Variants in OPCML observed in about 807,000 individuals in gnomAD.
OPCML encodes the protein opioid binding protein/cell adhesion molecule like.
Under a neutral mutation model 37.8 loss-of-function variants are expected in OPCML, and 13 were observed. That is an observed-to-expected ratio of 0.34 (90% CI 0.22 to 0.55). OPCML has a LOEUF of 0.55. Ranked by LOEUF, OPCML falls within the 20% of genes least tolerant of loss-of-function variation. The pLI, the probability that OPCML is intolerant of heterozygous loss-of-function variation, is 0.91. For missense variants in OPCML, 341 were observed against 435.6 expected (o/e 0.78, Z 1.93); for synonymous variants, 176 against 168.8 (o/e 1.04, Z -0.33).
At chr11:132,699,135 T>C (rs1369052210) in intron 2 of OPCML, among the ~76,000 whole-genome samples, 1 of 152,054 alleles carries the variant, frequency 6.6e-6, no homozygotes, top group South Asian at 2.1e-4. Context: ...ATGGGACTGT[T>C]GTTTCAACTT....
chr11:132,467,612 G>A (rs867623255), intron 4 of OPCML, among the ~76,000 whole-genome samples: 1 of 152,144 alleles, frequency 6.6e-6, no homozygotes, highest in South Asian at 2.1e-4. Context: ...TAAAAGGCTG[G>A]CACACCAACG....
intron 1 of OPCML, among the ~76,000 whole-genome samples, chr11:133,286,120 T>C (rs549991805): frequency 6.6e-6 from 1 of 152,228 alleles, no homozygotes; most frequent in East Asian, 1.9e-4. Context: ...ACCCAGCCCC[T>C]GGCTTCTAAA....
intron 2 of OPCML, among the ~76,000 whole-genome samples, chr11:132,941,822 G>T (rs1945587266): frequency 6.6e-6 from 1 of 152,130 alleles, no homozygotes; most frequent in Admixed American, 6.5e-5. Flanking sequence ...AAAGAATTCT[G>T]GTGTCCCAGA....
At chr11:133,167,153 G>A (rs549680816) in intron 1 of OPCML, among the ~76,000 whole-genome samples, 55 of 152,290 alleles carry the variant, frequency 3.6e-4, no homozygotes, top group African/African-American at 1.2e-3. Flanking sequence ...GTTGGTGGCC[G>A]GCGCTGGAAG....
intron 1 of OPCML, among the ~76,000 whole-genome samples, chr11:133,253,422 G>C (rs1435285660): frequency 6.6e-6 from 1 of 152,094 alleles, no homozygotes; most frequent in Non-Finnish European, 1.5e-5. Context: ...TGATTCTCTT[G>C]CCTTAGTCTC....
chr11:132,528,944 T>C, intron 4 of OPCML, 117 bp downstream of exon 4: 1 of 633,026 alleles, frequency 1.6e-6, no homozygotes, highest in East Asian at 2.7e-5. Context: ...ATATTGCCTG[T>C]TTGATTTTCT....
intron 1 of OPCML, among the ~76,000 whole-genome samples, chr11:133,231,167 T>C (rs1199438636): frequency 6.6e-6 from 1 of 152,176 alleles, no homozygotes; most frequent in Non-Finnish European, 1.5e-5. Context: ...AAATGGAGAT[T>C]TCATTGAAGC....
In OPCML at chr11:132,547,902, C is replaced by A. The variant is rs145159269; in HGVS notation, c.380-18716G>T. Among the ~76,000 whole-genome samples the A allele has an allele frequency of 1.5e-3, 221 of 152,266 alleles. 3 individuals are homozygous for A. The highest frequency in any genetic ancestry group is 2.1e-3 in the East Asian group (11 of 5,160). On this transcript the variant is annotated intron_variant, in intron 3 of 7. Coordinates refer to ENST00000524381, the MANE Select transcript of OPCML (RefSeq NM_001012393.5). ...AGAGAGACCCAAAGGAGCTCTCCAA[C>A]AATGCAAGATTAATTCCCAATGGAT...
chr11:132,768,325 T>C (rs75648544), intron 2 of OPCML, among the ~76,000 whole-genome samples: 6,748 of 152,212 alleles, frequency 0.044, 395 homozygotes, highest in African/African-American at 0.13. Context: ...TTGCCCCCAT[T>C]CCGTCGATCT....
chr11:133,411,153 A>C (rs1945643283), intron 1 of OPCML, among the ~76,000 whole-genome samples: 1 of 152,180 alleles, frequency 6.6e-6, no homozygotes, highest in Non-Finnish European at 1.5e-5. Context: ...CCCAGTTCAC[A>C]TGGAACCAAT....
intron 1 of OPCML, among the ~76,000 whole-genome samples, chr11:133,328,072 T>G (rs1193733994): frequency 6.6e-6 from 1 of 152,174 alleles, no homozygotes; most frequent in Admixed American, 6.5e-5. Context: ...AACTGAAAAC[T>G]AGCTAGGTGA....
At chr11:133,214,016 G>A (rs1242354212) in intron 1 of OPCML, among the ~76,000 whole-genome samples, 2 of 152,066 alleles carry the variant, frequency 1.3e-5, no homozygotes, top group Non-Finnish European at 1.5e-5. Flanking sequence ...TGTGATGTGA[G>A]CTCTGTACTC....
intron 2 of OPCML, among the ~76,000 whole-genome samples, chr11:132,927,188 A>C (rs552087315): frequency 6.6e-6 from 1 of 152,176 alleles, no homozygotes; most frequent in African/African-American, 2.4e-5. Flanking sequence ...GGACATATAC[A>C]TATAAGAAGC....
At chr11:133,456,411 C>A (rs745623524) in intron 1 of OPCML, among the ~76,000 whole-genome samples, 3 of 152,006 alleles carry the variant, frequency 2.0e-5, no homozygotes, top group Non-Finnish European at 4.4e-5. Context: ...TCCATGTCAA[C>A]CTGCCAAGAT....
chr11:132,817,620 T>C (rs962545954), intron 2 of OPCML, among the ~76,000 whole-genome samples: 1 of 152,110 alleles, frequency 6.6e-6, no homozygotes, highest in Non-Finnish European at 1.5e-5. Flanking sequence ...CATAATTCCC[T>C]GAAATAGAAT....
intron 1 of OPCML, among the ~76,000 whole-genome samples, chr11:133,325,193 C>T (rs1367304326): frequency 2.6e-5 from 4 of 152,232 alleles, no homozygotes; most frequent in Admixed American, 2.6e-4. Context: ...TACATTCTCA[C>T]TGTGCACTGC....
intron 1 of OPCML, among the ~76,000 whole-genome samples, chr11:133,490,066 A>C (rs917163683): frequency 1.1e-4 from 17 of 152,218 alleles, no homozygotes; most frequent in Non-Finnish European, 2.1e-4. Context: ...TGAGGAGCTT[A>C]AAATCAGCTA....
At chr11:133,027,943 C>T (rs1267160612) in intron 1 of OPCML, among the ~76,000 whole-genome samples, 1 of 150,138 alleles carries the variant, frequency 6.7e-6, no homozygotes, top group Non-Finnish European at 1.5e-5. Flanking sequence ...CAGACCTCAG[C>T]AAAGTATCAA....
intron 6 of OPCML, 98 bp downstream of exon 6, chr11:132,436,561 C>T: frequency 6.5e-6 from 10 of 1,546,722 alleles, no homozygotes; most frequent in Non-Finnish European, 7.8e-6. Context: ...TTCTGTTTTG[C>T]CTTATCTTTC....
Sources: gnomAD v4.1 joint callset for allele counts (sites outside exome capture counted in the v4.1 genomes callset) on GRCh38, gnomAD v4.1.1 for gene constraint, MANE v1.5 for transcripts, NCBI Gene and HGNC (gene_info 2026-07-23, HGNC 2026-07-21) for gene names.